The following NTNG1 variants were observed in gnomAD, a reference collection of about 807,000 sequenced individuals.
NTNG1 encodes netrin G1, also known as netrin-G1.
In NTNG1, 16 loss-of-function variants were observed where a neutral mutation model predicts 54.0. The ratio of observed to expected loss-of-function variants is 0.30; its 90% CI spans 0.20 to 0.45. NTNG1 has a LOEUF of 0.45. Ranked by LOEUF, NTNG1 falls within the 20% of genes least tolerant of loss-of-function variation. The probability of loss-of-function intolerance (pLI) is 1.00; values close to 1 mark genes in which losing one functional copy is unlikely to be tolerated. For missense variants in NTNG1, 530 were observed against 678.7 expected, an observed-to-expected ratio of 0.78 and a Z score of 2.43; for synonymous variants, 255 against 263.1, an observed-to-expected ratio of 0.97 and a Z score of 0.30.
Position 107,324,905 on chromosome 1 carries a change from CATAAAGGT to C in NTNG1, c.871_878del (p.Ile291AlafsTer7). 1 of 1,610,238 alleles carries C rather than the reference CATAAAGGT, an allele frequency of 6.2e-7. No homozygotes were observed. The highest frequency in any genetic ancestry group is 2.2e-5 in the East Asian group (1 of 44,804). On this transcript the variant is annotated frameshift_variant, in exon 3 of 8. Transcript: ENST00000370068. LOFTEE classifies it high-confidence loss of function. Reference sequence around the variant, plus strand: ...CACGCTACTTTTACGCGATCTCAGACATAAAGGTGCGAGGAAGGTAAGAGAAAATCTGT... The same window carrying C: ...CACGCTACTTTTACGCGATCTCAGACGCGAGGAAGGTAAGAGAAAATCTGT...
intron 2 of NTNG1, among the ~76,000 whole-genome samples, chr1:107,256,939 G>A (rs1662974190): frequency 6.6e-6 from 1 of 152,078 alleles, no homozygotes; most frequent in South Asian, 2.1e-4. Flanking sequence ...TCCAAACTGA[G>A]TTGGCTTCCA....
chr1:107,152,769 C>T lies in NTNG1; in HGVS notation c.246+3930C>T, dbSNP rs1043528862. 4.6e-5 allele frequency among the ~76,000 whole-genome samples: 7 copies of T among 152,074 alleles called. No individual in the cohort carries two copies. In the East Asian group the frequency reaches 5.8e-4, roughly 13 times the overall value. On this transcript the variant is annotated intron_variant, in intron 2 of 7. Coordinates refer to ENST00000370068, the MANE Select transcript of NTNG1 (RefSeq NM_001113226.3). ...GGACATTAAATGTTTCCCTTGGAGA[C>T]GTTCAGCATCATTAATGCAGCATGC...
chr1:107,435,167 C>T (rs1345230360), intron 6 of NTNG1, among the ~76,000 whole-genome samples: 1 of 151,792 alleles, frequency 6.6e-6, no homozygotes, highest in African/African-American at 2.4e-5. Flanking sequence ...AACTTACACA[C>T]TTTAAACAGT....
intron 2 of NTNG1, among the ~76,000 whole-genome samples, chr1:107,279,233 C>T (rs1203692318): frequency 6.6e-6 from 1 of 152,124 alleles, no homozygotes; most frequent in Non-Finnish European, 1.5e-5. Flanking sequence ...ATATCTACCT[C>T]ATATTAATCT....
intron 7 of NTNG1, among the ~76,000 whole-genome samples, chr1:107,453,594 T>A (rs1413398135): frequency 6.6e-6 from 1 of 152,192 alleles, no homozygotes; most frequent in Non-Finnish European, 1.5e-5. Context: ...TCTTCTACAA[T>A]GTACTTAAGA....
chr1:107,377,418 T>C (rs1479829535), intron 3 of NTNG1, among the ~76,000 whole-genome samples: 1 of 152,214 alleles, frequency 6.6e-6, no homozygotes, highest in East Asian at 1.9e-4. Flanking sequence ...GAGAAGATTC[T>C]ATTTCTTTAA....
At chr1:107,428,890 T>C (rs1388363719) in intron 5 of NTNG1, among the ~76,000 whole-genome samples, 4 of 152,094 alleles carry the variant, frequency 2.6e-5, no homozygotes, top group Non-Finnish European at 4.4e-5. Flanking sequence ...TGTAACTCTA[T>C]GATTATTGGT....
At chr1:107,334,210 A>G (rs997042835) in intron 3 of NTNG1, among the ~76,000 whole-genome samples, 1 of 152,006 alleles carries the variant, frequency 6.6e-6, no homozygotes, top group Admixed American at 6.6e-5. Flanking sequence ...TTTTAGTTAA[A>G]TGAATCTTGC....
chr1:107,152,307 G>C (rs1221500382), intron 2 of NTNG1, among the ~76,000 whole-genome samples: 2 of 152,088 alleles, frequency 1.3e-5, no homozygotes, highest in Non-Finnish European at 2.9e-5. Flanking sequence ...AGGTGGCAGA[G>C]CTTTGTCAGG....
chr1:107,305,140 TG>T (rs1300700970), intron 2 of NTNG1, among the ~76,000 whole-genome samples: 1 of 152,216 alleles, frequency 6.6e-6, no homozygotes. Flanking sequence ...CTATCATTGA[TG>T]GGCATTTGGG....
At chr1:107,300,883 G>A (rs2101802380) in intron 2 of NTNG1, among the ~76,000 whole-genome samples, 1 of 152,268 alleles carries the variant, frequency 6.6e-6, no homozygotes, top group African/African-American at 2.4e-5. Flanking sequence ...TGTTTAAAAT[G>A]TATGTCAGCA....
intron 3 of NTNG1, among the ~76,000 whole-genome samples, chr1:107,353,223 T>C (rs1208470020): frequency 6.6e-6 from 1 of 152,212 alleles, no homozygotes; most frequent in African/African-American, 2.4e-5. Flanking sequence ...TCTGCTTCCC[T>C]TTCAAATATG....
intron 1 of NTNG1, among the ~76,000 whole-genome samples, chr1:107,141,933 A>G (rs937193929): frequency 1.3e-5 from 2 of 152,014 alleles, no homozygotes; most frequent in African/African-American, 4.8e-5. Context: ...GGCCTTGGGG[A>G]TCTGGTGGCC....
chr1:107,293,856 G>T (rs1665778960), intron 2 of NTNG1, among the ~76,000 whole-genome samples: 1 of 151,822 alleles, frequency 6.6e-6, no homozygotes, highest in South Asian at 2.1e-4. Context: ...AGCATTAAAA[G>T]TGGTTATCTT....
chr1:107,437,229 T>C (rs1216971994), intron 7 of NTNG1, among the ~76,000 whole-genome samples: 1 of 152,220 alleles, frequency 6.6e-6, no homozygotes, highest in African/African-American at 2.4e-5. Context: ...CTTGCTATCA[T>C]ACCCATCACT....
At chr1:107,158,333 T>C (rs1655153439) in intron 2 of NTNG1, among the ~76,000 whole-genome samples, 1 of 152,190 alleles carries the variant, frequency 6.6e-6, no homozygotes, top group African/African-American at 2.4e-5. Context: ...TGTAAATTTC[T>C]TTTCACCTTG....
At chr1:107,446,005 G>A (rs1676285819) in intron 7 of NTNG1, among the ~76,000 whole-genome samples, 1 of 152,086 alleles carries the variant, frequency 6.6e-6, no homozygotes, top group African/African-American at 2.4e-5. Flanking sequence ...ATCATAGTTT[G>A]ATTTATTCCA....
intron 2 of NTNG1, among the ~76,000 whole-genome samples, chr1:107,165,753 A>T (rs2101070498): frequency 6.6e-6 from 1 of 152,268 alleles, no homozygotes; most frequent in East Asian, 1.9e-4. Context: ...TCCGTCAATA[A>T]TCTTTTCTGC....
chr1:107,259,373 A>G (rs1416387934), intron 2 of NTNG1, among the ~76,000 whole-genome samples: 1 of 152,176 alleles, frequency 6.6e-6, no homozygotes, highest in African/African-American at 2.4e-5. Flanking sequence ...TAAATTGACA[A>G]GGTTTCCTGA....
Sources: allele counts gnomAD v4.1 joint callset (sites outside exome capture counted in the v4.1 genomes callset), GRCh38; gene constraint gnomAD v4.1.1; transcripts MANE v1.5; gene names NCBI Gene and HGNC (gene_info 2026-07-23, HGNC 2026-07-21).